The following PDHX variants were observed in gnomAD, a reference collection of about 807,000 sequenced individuals.
PDHX encodes pyruvate dehydrogenase protein X component, mitochondrial.
In PDHX, 33 loss-of-function variants were observed where a neutral mutation model predicts 55.3. The observed-to-expected ratio is 0.60, with a 90% CI of 0.45 to 0.80. The LOEUF (loss-of-function observed/expected upper bound fraction) is 0.80, where lower values mean the gene tolerates loss of function less well. Among genes scored for constraint, PDHX ranks in the 30% least tolerant of loss-of-function variants. PDHX has a pLI of 0.00. For synonymous variants in PDHX, 226 were observed against 219.4 expected (o/e 1.03, Z -0.27); for missense variants, 622 against 619.9 (o/e 1.00, Z -0.04).
At chr11:34,951,534 G>A (rs1466512339) in intron 3 of PDHX, among the ~76,000 whole-genome samples, 1 of 152,086 alleles carries the variant, frequency 6.6e-6, no homozygotes, top group Non-Finnish European at 1.5e-5. Flanking sequence ...CCCACTTTTT[G>A]ATGGGGTTGT....
At chr11:34,987,141 C>G (rs1855662965) in intron 9 of PDHX, among the ~76,000 whole-genome samples, 1 of 152,196 alleles carries the variant, frequency 6.6e-6, no homozygotes, top group African/African-American at 2.4e-5. Context: ...CACCTCTCTC[C>G]TTGCTTTTAC....
rs150899617 is a variant in PDHX, at chr11:34,977,479, C to T, written c.965-645C>T. On this transcript the variant is annotated intron_variant, in intron 7 of 10. Transcript: ENST00000227868. ...CCATAAAACTATGGATGGAGAACCT[C>T]ATTTTATTAATCACACTAGGACCTA... is the stretch of plus-strand genomic sequence containing the variant. 3.3e-3 allele frequency among the ~76,000 whole-genome samples: 504 copies of T among 152,230 alleles called. 4 individuals are homozygous for T. The highest frequency in any genetic ancestry group is 0.011 in the African/African-American group (472 of 41,554).
At chr11:34,922,457 T>A (rs1423332492) in intron 1 of PDHX, among the ~76,000 whole-genome samples, 1 of 152,194 alleles carries the variant, frequency 6.6e-6, no homozygotes, top group Non-Finnish European at 1.5e-5. Flanking sequence ...TCAACCCAGA[T>A]CTGACACCAA....
chr11:34,979,879 G>C (rs1212937079), intron 8 of PDHX, among the ~76,000 whole-genome samples: 1 of 151,702 alleles, frequency 6.6e-6, no homozygotes, highest in African/African-American at 2.4e-5. Flanking sequence ...AATGAATTTG[G>C]ATTATTTCTT....
chr11:34,924,383 C>T lies in PDHX; in HGVS notation c.161-7021C>T, dbSNP rs905741325. ...GGGACTATAGGCATGTGCCACCAAG[C>T]CTAATTTTTGTATTTTTAGTAAAGA... On this transcript the variant is annotated intron_variant, in intron 1 of 10. Transcript: ENST00000227868. Among the ~76,000 whole-genome samples, 22 of 152,142 alleles carry T rather than the reference C, an allele frequency of 1.4e-4. 2 individuals are homozygous for T. Among genetic ancestry groups the T allele is most frequent in the Admixed American group, 1.2e-3 (19 of 15,288 alleles).
chr11:34,978,277 A>G, intron 8 of PDHX, 95 bp downstream of exon 8: 1 of 766,184 alleles, frequency 1.3e-6, no homozygotes. Context: ...TTTAAATCAC[A>G]AAAATTTTAT....
intron 5 of PDHX, among the ~76,000 whole-genome samples, chr11:34,961,902 A>T (rs567602031): frequency 6.6e-6 from 1 of 152,370 alleles, no homozygotes; most frequent in African/African-American, 2.4e-5. Context: ...ATTAAAATTA[A>T]GAACCTTGGT....
chr11:34,992,628 T>C (rs1855779214), intron 10 of PDHX, among the ~76,000 whole-genome samples: 1 of 152,192 alleles, frequency 6.6e-6, no homozygotes, highest in African/African-American at 2.4e-5. Flanking sequence ...ATAAATATTA[T>C]GTATTCTTTA....
intron 10 of PDHX, among the ~76,000 whole-genome samples, chr11:34,994,436 G>A (rs971558265): frequency 1.3e-5 from 2 of 152,222 alleles, no homozygotes; most frequent in African/African-American, 4.8e-5. Context: ...ATCAGTGAAT[G>A]AGTGAATGCT....
At chr11:34,969,046 C>T (rs905442461) in intron 6 of PDHX, among the ~76,000 whole-genome samples, 7 of 152,128 alleles carry the variant, frequency 4.6e-5, no homozygotes, top group East Asian at 1.9e-4. Context: ...AGCCACAGCT[C>T]CAAGTTAGCC....
At chr11:34,951,064 T>TC (rs1324529837) in intron 3 of PDHX, among the ~76,000 whole-genome samples, 4 of 142,022 alleles carry the variant, frequency 2.8e-5, no homozygotes, top group Non-Finnish European at 6.2e-5. Flanking sequence ...TTTTTTTTTT[T>TC]TTTTTTTTTT....
At chr11:34,943,255 T>C (rs1402240260) in intron 2 of PDHX, among the ~76,000 whole-genome samples, 8 of 152,198 alleles carry the variant, frequency 5.3e-5, no homozygotes, top group Admixed American at 4.6e-4. Flanking sequence ...CAATTTGTGA[T>C]TTTTAAATAA....
rs1475694404 is a variant in PDHX at position 34,995,173 on chromosome 11, T to TC, written c.*3dup. 2.5e-6 allele frequency: 4 copies of TC among 1,613,722 alleles called. No homozygotes were observed. The highest frequency in any genetic ancestry group is 3.4e-6 in the Non-Finnish European group (4 of 1,179,824). On this transcript the variant is annotated 3_prime_UTR_variant, in exon 11 of 11. Coordinates refer to ENST00000227868, the MANE Select transcript of PDHX (RefSeq NM_003477.3). The stretch of plus-strand genomic sequence containing the variant: ...AGAGAATCCTATCCGACTTGCCTAG[T>TC]CCTCAAAGATAAGAAGTTGGTGTTC...
intron 4 of PDHX, among the ~76,000 whole-genome samples, chr11:34,958,296 AG>A (rs972022674): frequency 4.0e-5 from 6 of 151,126 alleles, no homozygotes; most frequent in Non-Finnish European, 5.9e-5. Flanking sequence ...TGCTTTTTTT[AG>A]GGGGGGGCGT....
intron 9 of PDHX, among the ~76,000 whole-genome samples, chr11:34,986,633 A>G (rs892825213): frequency 1.3e-5 from 2 of 152,220 alleles, no homozygotes; most frequent in Admixed American, 1.3e-4. Context: ...ATTTACTGCT[A>G]TAATACATAA....
Position 34,970,938 on chromosome 11 carries a change from G to A in PDHX, c.964+652G>A, listed in dbSNP as rs541575306. On this transcript the variant is annotated intron_variant, in intron 7 of 10. Coordinates refer to ENST00000227868, the MANE Select transcript of PDHX (RefSeq NM_003477.3). ...GCAAAAGTGGGCTTAATGTTTTGGTGTGCTTTAGCATTTACATAGGTCAAT... is the reference window on the plus strand; with the variant it reads ...GCAAAAGTGGGCTTAATGTTTTGGTATGCTTTAGCATTTACATAGGTCAAT... 8.5e-5 allele frequency among the ~76,000 whole-genome samples: 13 copies of A among 152,270 alleles called. No homozygotes were observed. The East Asian group carries it at 2.5e-3, about 29-fold the overall frequency.
chr11:34,936,487 G>C (rs1030608180), intron 2 of PDHX, among the ~76,000 whole-genome samples: 2 of 152,146 alleles, frequency 1.3e-5, no homozygotes, highest in Non-Finnish European at 2.9e-5. Flanking sequence ...TTGCAGATGA[G>C]GTAGTATTTG....
upstream of PDHX, chr11:34,916,480 C>G (rs921397166): frequency 7.5e-6 from 11 of 1,459,586 alleles, no homozygotes; most frequent in African/African-American, 1.4e-4. Flanking sequence ...ACCTGACTTC[C>G]CGGGAGGCAA....
chr11:34,994,828 A>G, intron 10 of PDHX, 86 bp from the exon 11 acceptor site: 1 of 1,451,608 alleles, frequency 6.9e-7, no homozygotes, highest in Non-Finnish European at 9.7e-7. Context: ...TACACTGCCT[A>G]GTAAAATATA....
Sources: allele counts gnomAD v4.1 joint callset (sites outside exome capture counted in the v4.1 genomes callset), GRCh38; gene constraint gnomAD v4.1.1; transcripts MANE v1.5; gene names NCBI Gene and HGNC (gene_info 2026-07-23, HGNC 2026-07-21).